PTPRD: variants seen among roughly 807,000 people sequenced by gnomAD.
PTPRD encodes receptor-type tyrosine-protein phosphatase delta.
PTPRD carries 34 observed loss-of-function variants against 214.5 expected under a neutral mutation model. The observed-to-expected ratio is 0.16, with a 90% confidence interval of 0.12 to 0.21. PTPRD has a LOEUF of 0.21. PTPRD is among the 10% of genes least tolerant of loss of function. The probability of loss-of-function intolerance (pLI) is 1.00; values close to 1 mark genes in which losing one functional copy is unlikely to be tolerated. For synonymous variants in PTPRD, 1,128 were observed against 845.7 expected, an observed-to-expected ratio of 1.33 and a Z score of -5.79; for missense variants, 2,545 against 2,398.7, an observed-to-expected ratio of 1.06 and a Z score of -1.27.
intron 5 of PTPRD, among the ~76,000 whole-genome samples, chr9:9,937,476 A>G (rs1330478714): frequency 6.6e-6 from 1 of 151,660 alleles, no homozygotes; most frequent in East Asian, 1.9e-4. Flanking sequence ...AAAATATTTT[A>G]TAAATTTTAT....
intron 4 of PTPRD, among the ~76,000 whole-genome samples, chr9:10,009,008 C>G (rs2096544571): frequency 6.6e-6 from 1 of 151,386 alleles, no homozygotes; most frequent in African/African-American, 2.4e-5. Flanking sequence ...TGCTTATTGA[C>G]AAATCAAACT....
intron 7 of PTPRD, among the ~76,000 whole-genome samples, chr9:9,664,305 T>A (rs2096674368): frequency 6.6e-6 from 1 of 151,552 alleles, no homozygotes; most frequent in Non-Finnish European, 1.5e-5. Context: ...ATAAAATATA[T>A]TTAAAAAGAA....
intron 11 of PTPRD, among the ~76,000 whole-genome samples, chr9:8,993,824 G>A (rs2099386616): frequency 6.6e-6 from 1 of 151,928 alleles, no homozygotes; most frequent in Admixed American, 6.6e-5. Flanking sequence ...TTACACACTG[G>A]GGGACCCGAA....
At chr9:10,448,433 G>C (rs1292067495) in intron 2 of PTPRD, among the ~76,000 whole-genome samples, 1 of 151,916 alleles carries the variant, frequency 6.6e-6, no homozygotes, top group African/African-American at 2.4e-5. Context: ...TATTAATCAA[G>C]ATCATATAAA....
chr9:9,123,994 T>C (rs890444248), intron 10 of PTPRD, among the ~76,000 whole-genome samples: 1 of 151,938 alleles, frequency 6.6e-6, no homozygotes, highest in Non-Finnish European at 1.5e-5. Flanking sequence ...TGTAGGCATA[T>C]TGTCTAAAAG....
chr9:10,181,432 T>C (rs769758213), intron 3 of PTPRD, among the ~76,000 whole-genome samples: 2 of 152,140 alleles, frequency 1.3e-5, no homozygotes, highest in Non-Finnish European at 2.9e-5. Context: ...TGGATATCTG[T>C]TTTTCTAAAT....
At chr9:9,418,487 G>A (rs190811601) in intron 8 of PTPRD, among the ~76,000 whole-genome samples, 1 of 152,064 alleles carries the variant, frequency 6.6e-6, no homozygotes, top group Non-Finnish European at 1.5e-5. Flanking sequence ...CATGGGGACT[G>A]GCAGTAGACT....
intron 11 of PTPRD, among the ~76,000 whole-genome samples, chr9:8,764,112 T>G (rs913219145): frequency 3.3e-5 from 5 of 152,238 alleles, no homozygotes; most frequent in Non-Finnish European, 5.9e-5. Flanking sequence ...AAGGACACTC[T>G]CACTCTAATT....
intron 3 of PTPRD, among the ~76,000 whole-genome samples, chr9:10,230,368 C>T (rs1470981287): frequency 6.6e-6 from 1 of 151,968 alleles, no homozygotes; most frequent in Non-Finnish European, 1.5e-5. Flanking sequence ...CCCTGATCTT[C>T]TTAGTCTTTT....
chr9:9,880,599 G>T lies in PTPRD; in HGVS notation c.-368+57908C>A, dbSNP rs113189611. Among the ~76,000 whole-genome samples the T allele has an allele frequency of 1.9e-3, 286 of 152,176 alleles. 1 individual carries two copies. The highest frequency in any genetic ancestry group is 6.6e-3 in the African/African-American group (276 of 41,540). ...ACTTTACCTTGGCTTCAATGCACTA[G>T]AGGAGAATTTAATTTGTTTCTTTGG... is the stretch of plus-strand genomic sequence containing the variant. On this transcript the variant is annotated intron_variant, in intron 5 of 45. Coordinates refer to ENST00000381196, the MANE Select transcript of PTPRD (RefSeq NM_002839.4).
intron 11 of PTPRD, among the ~76,000 whole-genome samples, chr9:8,935,352 C>T (rs1453074826): frequency 6.6e-6 from 1 of 152,098 alleles, no homozygotes; most frequent in Admixed American, 6.6e-5. Context: ...TTTACAATAG[C>T]ATCTCAAGAA....
At chr9:8,417,403 A>C (rs1393120972) in intron 35 of PTPRD, among the ~76,000 whole-genome samples, 2 of 152,174 alleles carry the variant, frequency 1.3e-5, no homozygotes, top group Admixed American at 6.6e-5. Flanking sequence ...ATAATGCAGC[A>C]AAGGGTAGAG....
intron 8 of PTPRD, among the ~76,000 whole-genome samples, chr9:9,463,880 C>A (rs1242079548): frequency 1.3e-5 from 2 of 152,062 alleles, no homozygotes; most frequent in Non-Finnish European, 2.9e-5. Context: ...TCAGGCCTCC[C>A]AAATAGTATC....
chr9:10,143,786 A>C (rs1475528778), intron 3 of PTPRD, among the ~76,000 whole-genome samples: 1 of 152,122 alleles, frequency 6.6e-6, no homozygotes, highest in Non-Finnish European at 1.5e-5. Context: ...CATTATCCTA[A>C]GCAAACTAAC....
intron 4 of PTPRD, among the ~76,000 whole-genome samples, chr9:10,003,171 A>G (rs1377012453): frequency 6.6e-6 from 1 of 151,866 alleles, no homozygotes; most frequent in African/African-American, 2.4e-5. Flanking sequence ...AAGGAAGAAT[A>G]AAGCCAAATT....
intron 8 of PTPRD, among the ~76,000 whole-genome samples, chr9:9,534,675 T>C (rs75241044): frequency 0.013 from 1,925 of 152,122 alleles, 44 homozygotes; most frequent in African/African-American, 0.044. Flanking sequence ...AGGGAAAAAA[T>C]GTAATATCTA....
chr9:9,756,717 T>C (rs938596291), intron 6 of PTPRD, among the ~76,000 whole-genome samples: 1 of 152,158 alleles, frequency 6.6e-6, no homozygotes, highest in African/African-American at 2.4e-5. Context: ...ATGGTTATTT[T>C]TATGGTATAT....
In PTPRD at chr9:10,404,786, C is replaced by T. The variant is rs1406154766; in HGVS notation, c.-599-63769G>A. Among the ~76,000 whole-genome samples the T allele has an allele frequency of 3.5e-4, 17 of 48,722 alleles. 8 individuals are homozygous for T. The highest frequency in any genetic ancestry group is 3.4e-4 in the Non-Finnish European group (6 of 17,754). 32.0% of individuals were successfully genotyped at this position (48,722 alleles called of 152,430 possible). A position where few individuals can be genotyped will look rare whatever the true frequency, so the allele number is the denominator to read the frequency against. On this transcript the variant is annotated intron_variant, in intron 2 of 45. Coordinates refer to ENST00000381196, the MANE Select transcript of PTPRD (RefSeq NM_002839.4). ...ATAGTTCCCAAGCCAATTTCAGATC[C>T]TCAGCACTGACAAACATGTATCAGC...
intron 44 of PTPRD, among the ~76,000 whole-genome samples, chr9:8,330,367 A>G (rs1482525566): frequency 6.6e-6 from 1 of 151,978 alleles, no homozygotes; most frequent in East Asian, 1.9e-4. Context: ...ATGCTATTGC[A>G]CACTAAATAG....
Sources: gnomAD v4.1 joint callset for allele counts (sites outside exome capture counted in the v4.1 genomes callset) on GRCh38, gnomAD v4.1.1 for gene constraint, MANE v1.5 for transcripts, NCBI Gene and HGNC (gene_info 2026-07-23, HGNC 2026-07-21) for gene names.